CAMK2A: variants seen among roughly 807,000 people sequenced by gnomAD.
CAMK2A encodes the protein calcium/calmodulin dependent protein kinase II alpha, also known as calcium/calmodulin-dependent protein kinase type II subunit alpha.
CAMK2A carries 7 observed loss-of-function variants against 79.2 expected under a neutral mutation model. The ratio of observed to expected loss-of-function variants is 0.09; its 90% CI spans 0.05 to 0.17. The LOEUF (loss-of-function observed/expected upper bound fraction) is 0.17. CAMK2A is among the 10% of genes least tolerant of loss of function. CAMK2A has a pLI of 1.00. For missense variants in CAMK2A, 214 were observed against 646.4 expected, an observed-to-expected ratio of 0.33 and a Z score of 7.25; for synonymous variants, 242 against 251.7, an observed-to-expected ratio of 0.96 and a Z score of 0.36.
At chr5:150,270,110 G>A (rs555161165) in intron 2 of CAMK2A, among the ~76,000 whole-genome samples, 7 of 152,326 alleles carry the variant, frequency 4.6e-5, no homozygotes, top group African/African-American at 9.6e-5. Context: ...TGGGGAGGAC[G>A]AGCTAGGAGG....
At position 150,238,673 on chromosome 5, in the gene CAMK2A, G is replaced by A. The variant is rs17111081; in HGVS notation, c.1066+27C>T. The A allele has an allele frequency of 5.0e-4, 789 of 1,588,876 alleles. 2 individuals carry two copies. Among genetic ancestry groups the A allele is most frequent in the African/African-American group, 3.4e-3 (256 of 74,526 alleles). ...AGAGCTGGTTCCAGAAGTCTAAGGG[G>A]TCCCGACACTGAAGGCCCCTCCCTA... On this transcript the variant is annotated intron_variant, in intron 15 of 18. Coordinates refer to ENST00000671881, the MANE Select transcript of CAMK2A (RefSeq NM_015981.4).
chr5:150,238,683 T>C lies in CAMK2A; in HGVS notation c.1066+17A>G. ...CCAGAAGTCTAAGGGGTCCCGACAC[T>C]GAAGGCCCCTCCCTACCTTTGGTGT... is the stretch of plus-strand genomic sequence containing the variant. On this transcript the variant is annotated intron_variant, in intron 15 of 18. Coordinates refer to ENST00000671881, the MANE Select transcript of CAMK2A (RefSeq NM_015981.4). 6.3e-7 allele frequency: 1 copy of C among 1,599,016 alleles called. No individual in the cohort carries two copies. The highest frequency in any genetic ancestry group is 8.5e-7 in the Non-Finnish European group (1 of 1,171,168).
At chr5:150,245,073 C>T (rs1054344292) in intron 13 of CAMK2A, 88 bp downstream of exon 13, 2 of 1,352,230 alleles carry the variant, frequency 1.5e-6, no homozygotes, top group Non-Finnish European at 2.1e-6. Flanking sequence ...TCAGCAAGGC[C>T]CGGGTCTTGC....
At chr5:150,264,634 G>T (rs1463127895) in intron 3 of CAMK2A, among the ~76,000 whole-genome samples, 1 of 152,206 alleles carries the variant, frequency 6.6e-6, no homozygotes, top group African/African-American at 2.4e-5. Flanking sequence ...TGGGGAATGG[G>T]CCACAGCGGT....
chr5:150,280,293 C>G (rs1757154162), intron 1 of CAMK2A, among the ~76,000 whole-genome samples: 2 of 152,218 alleles, frequency 1.3e-5, no homozygotes, highest in Admixed American at 1.3e-4. Flanking sequence ...TCCCTCCACT[C>G]TGTTCTCCGT....
intron 1 of CAMK2A, among the ~76,000 whole-genome samples, chr5:150,276,166 G>A (rs940001535): frequency 6.6e-5 from 10 of 152,134 alleles, no homozygotes; most frequent in African/African-American, 2.2e-4. Flanking sequence ...CAAGGGTTTG[G>A]GGAGCTCTGT....
chr5:150,282,500 G>T (rs1757256750), intron 1 of CAMK2A, among the ~76,000 whole-genome samples: 1 of 152,254 alleles, frequency 6.6e-6, no homozygotes, highest in South Asian at 2.1e-4. Flanking sequence ...CCTGTCCAGA[G>T]TATACACCAC....
intron 15 of CAMK2A, among the ~76,000 whole-genome samples, chr5:150,238,121 T>G (rs1030595334): frequency 1.3e-5 from 2 of 152,326 alleles, no homozygotes; most frequent in East Asian, 1.9e-4. Context: ...ACATGTTAAA[T>G]TTTTCTCTAA....
At chr5:150,227,069 G>C (rs796177832) in intron 17 of CAMK2A, among the ~76,000 whole-genome samples, 12 of 152,164 alleles carry the variant, frequency 7.9e-5, no homozygotes, top group African/African-American at 2.4e-4. Context: ...ACCGCGCCCG[G>C]CTATAGATTT....
intron 13 of CAMK2A, 51 bp downstream of exon 13, chr5:150,245,110 G>A: frequency 1.9e-6 from 3 of 1,584,546 alleles, no homozygotes; most frequent in Non-Finnish European, 1.7e-6. Flanking sequence ...GGTCTCTGTT[G>A]GCAGAAACGC....
chr5:150,248,369 G>A (rs1248790348), intron 11 of CAMK2A, among the ~76,000 whole-genome samples: 1 of 148,210 alleles, frequency 6.7e-6, no homozygotes, highest in African/African-American at 2.5e-5. Context: ...AAGTTCTAGG[G>A]TACATGTGCA....
chr5:150,272,164 G>C lies in CAMK2A; in HGVS notation c.157+901C>G, dbSNP rs28574909. ...TGGGTGCAGAGTAGCCCATACTCTT[G>C]AAGTTTACAGCCCAGAAAGGGAGGT... On this transcript the variant is annotated intron_variant, in intron 2 of 18. Transcript: ENST00000671881. Among the ~76,000 whole-genome samples, 1,398 of 152,216 alleles carry C rather than the reference G, an allele frequency of 9.2e-3. 13 individuals are homozygous for C. Among genetic ancestry groups the C allele is most frequent in the African/African-American group, 0.032 (1,315 of 41,522 alleles).
chr5:150,223,085 G>A lies in CAMK2A; in HGVS notation c.1370C>T (p.Thr457Ile). Residue 457 changes from threonine (T) to isoleucine (I), a missense_variant, in exon 18 of 19, where the codon ACC becomes ATC. Around this residue, in one of 4 missense-constraint regions of CAMK2A, gnomAD observed 123 missense variants for 242.4 expected, o/e 0.51. Transcript: ENST00000671881. This position sits in a 1 kb window ranked among gnomAD's most constrained non-coding sequence, Gnocchi z 4.1. Reference sequence around the variant, plus strand: ...GACACGGGTCTCCTCCGACTGGGCGGTGCGTGGGATGCCGCCAGCGTCCAG... The same window carrying A: ...GACACGGGTCTCCTCCGACTGGGCGATGCGTGGGATGCCGCCAGCGTCCAG... The part of the protein sequence containing the change: ...QYLDAGGIPR[T>I]AQSEETRVWH... 1 of 1,614,194 alleles carries A rather than the reference G, an allele frequency of 6.2e-7. No individual in the cohort carries two copies. The highest frequency in any genetic ancestry group is 8.5e-7 in the Non-Finnish European group (1 of 1,180,048).
At chr5:150,285,149 A>G (rs1009400723) in intron 1 of CAMK2A, among the ~76,000 whole-genome samples, 5 of 152,110 alleles carry the variant, frequency 3.3e-5, no homozygotes, top group African/African-American at 1.2e-4. Context: ...TTCCCCAGAT[A>G]CGGCACCAGT....
At chr5:150,224,762 C>A (rs1231434252) in intron 17 of CAMK2A, among the ~76,000 whole-genome samples, 1 of 152,038 alleles carries the variant, frequency 6.6e-6, no homozygotes, top group Non-Finnish European at 1.5e-5. Context: ...TGGAGGCATA[C>A]AAGACCAACA....
rs1349798551 is a variant in CAMK2A, at chr5:150,221,842, GAAGTC to G, written c.*863_*867del. On this transcript the variant is annotated 3_prime_UTR_variant, in exon 19 of 19. Coordinates refer to ENST00000671881, the MANE Select transcript of CAMK2A (RefSeq NM_015981.4). ...CCTGACCCTTCTCACAATAATCTGA[GAAGTC>G]TAGTTATTACATAAATATCCATTAA... is the stretch of plus-strand genomic sequence containing the variant. The G allele has an allele frequency of 2.6e-6, 1 of 382,010 alleles. No homozygotes were observed. The highest frequency in any genetic ancestry group is 4.6e-6 in the Non-Finnish European group (1 of 217,020). 23.7% of individuals were successfully genotyped at this position (382,010 alleles called of 1,614,324 possible).
intron 7 of CAMK2A, among the ~76,000 whole-genome samples, chr5:150,252,698 A>G (rs1056661361): frequency 6.6e-6 from 1 of 152,262 alleles, no homozygotes; most frequent in African/African-American, 2.4e-5. Flanking sequence ...AAGAACACTT[A>G]CAAGTTACCG....
intron 15 of CAMK2A, among the ~76,000 whole-genome samples, chr5:150,235,841 G>A (rs1292347014): frequency 1.3e-5 from 2 of 152,146 alleles, no homozygotes; most frequent in Non-Finnish European, 2.9e-5. Context: ...CCAGAAAACG[G>A]TTCCCTGGAA....
At chr5:150,281,925 TTAA>T (rs1246848892) in intron 1 of CAMK2A, among the ~76,000 whole-genome samples, 2 of 152,218 alleles carry the variant, frequency 1.3e-5, no homozygotes, top group African/African-American at 4.8e-5. Flanking sequence ...GTACCTTTTG[TTAA>T]TAATAAACAA....
Sources: gnomAD v4.1 joint callset for allele counts (sites outside exome capture counted in the v4.1 genomes callset) on GRCh38, gnomAD v4.1.1 for gene constraint, gnomAD v4.1.1 regional missense constraint, Gnocchi (gnomAD v3.1) non-coding constraint, MANE v1.5 for transcripts, NCBI Gene and HGNC (gene_info 2026-07-23, HGNC 2026-07-21) for gene names.